Variants in USP35 observed in about 807,000 individuals in gnomAD.
The protein encoded by USP35 is ubiquitin specific peptidase 35.
Under a neutral mutation model 83.8 loss-of-function variants are expected in USP35, and 69 were observed. The ratio of observed to expected loss-of-function variants is 0.82; its 90% CI spans 0.68 to 1.01. The LOEUF is 1.01. USP35 is among the 50% of genes least tolerant of loss of function. USP35 has a pLI of 0.00. For synonymous variants in USP35, 714 were observed against 589.5 expected (o/e 1.21, Z -3.06); for missense variants, 1,503 against 1,362.5 (o/e 1.10, Z -1.62).
chr11:78,227,273 T>G, the USP35 span, among the ~76,000 whole-genome samples: 2 of 152,218 alleles, frequency 1.3e-5, no homozygotes, highest in African/African-American at 2.4e-5. Flanking sequence ...GCAGGGGTTA[T>G]AACCCCCACT....
Position 78,210,260 on chromosome 11 carries a change from G to C in USP35, c.2405G>C (p.Cys802Ser). 1 of 1,614,080 alleles carries C rather than the reference G, an allele frequency of 6.2e-7. No homozygotes were observed. Among genetic ancestry groups the C allele is most frequent in the Non-Finnish European group, 8.5e-7 (1 of 1,180,028 alleles). The change falls in exon 10 of 11, where the codon TGC (cysteine) becomes TCC (serine). Residue 802 changes from cysteine to serine, a missense_variant. Physicochemically the swap from Cys to Ser is moderately radical, Grantham distance 112 (BLOSUM62 -1). Transcript: ENST00000529308. ...GTGGTGGAGCTGAGCCAAGGGCCGT[G>C]CTACCTCATCCTCACACTGCTGCGC... is the stretch of plus-strand genomic sequence containing the variant. ...EKVVELSQGP[C>S]YLILTLLRFS... is the part of the protein sequence containing the mutation.
Position 78,208,760 on chromosome 11 carries a change from C to T in USP35, c.1486-97C>T, listed in dbSNP as rs1044768144. The stretch of plus-strand genomic sequence containing the variant: ...TGGAGGAGGCCAGGAAGTTTGAGGC[C>T]GAGGGAATGAGGTAGACCCTCAGGC... On this transcript the variant is annotated intron_variant, in intron 8 of 10. Coordinates refer to ENST00000529308, the MANE Select transcript of USP35 (RefSeq NM_020798.4). The T allele has an allele frequency of 1.7e-5, 23 of 1,356,754 alleles. 1 individual carries two copies. Among genetic ancestry groups the T allele is most frequent in the African/African-American group, 5.8e-5 (4 of 69,458 alleles). 84.0% of individuals were successfully genotyped at this position (1,356,754 alleles called of 1,614,324 possible). A position where few individuals can be genotyped will look rare whatever the true frequency, so the allele number is the denominator to read the frequency against.
At chr11:78,222,333 C>T in the USP35 span, 23 of 637,302 alleles carry the variant, frequency 3.6e-5, no homozygotes, top group Admixed American at 2.8e-4. Context: ...TGACGCTCAG[C>T]GAGGTTGTAT....
chr11:78,216,329 G>A (rs140676461), downstream of USP35: 1,716 of 152,262 alleles, frequency 0.011, 18 homozygotes, highest in Middle Eastern at 0.02. Flanking sequence ...TCCCCTTTCC[G>A]TAGGCTCAGT....
intron 4 of USP35, 59 bp downstream of exon 4, chr11:78,199,783 G>C (rs11604699): frequency 6.2e-7 from 1 of 1,611,878 alleles, no homozygotes; most frequent in South Asian, 1.1e-5. Context: ...CTTGCCAGGG[G>C]CGGTGCAGGT....
downstream of USP35, chr11:78,215,949 A>ATGGT: frequency 6.5e-6 from 1 of 152,694 alleles, no homozygotes; most frequent in East Asian, 1.9e-4. Context: ...TAACTTCAGA[A>ATGGT]TGGTTGTGCT....
At chr11:78,199,776 G>A (rs1396408365) in intron 4 of USP35, 52 bp downstream of exon 4, 4 of 1,612,742 alleles carry the variant, frequency 2.5e-6, no homozygotes, top group East Asian at 2.2e-5. Context: ...CTAGGCTCTT[G>A]CCAGGGGCGG....
chr11:78,194,380 C>G (rs1250658361), intron 1 of USP35, among the ~76,000 whole-genome samples: 1 of 152,144 alleles, frequency 6.6e-6, no homozygotes, highest in African/African-American at 2.4e-5. Flanking sequence ...ATCTGTGATT[C>G]TGAATAAAAC....
In USP35 at chr11:78,213,638, G is replaced by A. The variant is rs368526196; in HGVS notation, c.2890-8G>A. On this transcript the variant is annotated splice_polypyrimidine_tract_variant and splice_region_variant and intron_variant, in intron 10 of 10. Coordinates refer to ENST00000529308, the MANE Select transcript of USP35 (RefSeq NM_020798.4). ...TAAGTCTAAGTCTCCTCTCATCTGT[G>A]TTCCCAGGAGCAGGAGAAGGAGGCC... The A allele has an allele frequency of 2.7e-6, 4 of 1,478,948 alleles. No individual in the cohort carries two copies. The highest frequency in any genetic ancestry group is 2.9e-5 in the African/African-American group (2 of 67,854). The allele number at this position is 1,478,948 out of a possible 1,614,324, so 91.6% of individuals were successfully genotyped here.
chr11:78,216,854 G>A (rs1218675172), downstream of USP35: 1 of 152,200 alleles, frequency 6.6e-6, no homozygotes, highest in Non-Finnish European at 1.5e-5. Context: ...CACATTCAGG[G>A]CTGGGCAGAG....
the USP35 span, among the ~76,000 whole-genome samples, chr11:78,229,598 T>C: frequency 6.6e-6 from 1 of 152,224 alleles, no homozygotes; most frequent in Middle Eastern, 3.2e-3. Flanking sequence ...GCCCAGGGCC[T>C]CTCTGATCCT....
the USP35 span, among the ~76,000 whole-genome samples, chr11:78,231,336 GGTGTGTGTGTGT>G: frequency 3.4e-5 from 5 of 145,898 alleles, no homozygotes; most frequent in East Asian, 2.0e-4. Flanking sequence ...GCGCGTGTGT[GGTGTGTGTGTGT>G]GTGTGTGTGT....
intron 10 of USP35, 97 bp from the exon 11 acceptor site, chr11:78,213,549 C>G: frequency 7.4e-7 from 1 of 1,351,482 alleles, no homozygotes. Context: ...GCCCTGGGGA[C>G]CTAGAGGAAA....
At chr11:78,223,911 T>C in the USP35 span, among the ~76,000 whole-genome samples, 1 of 151,972 alleles carries the variant, frequency 6.6e-6, no homozygotes, top group African/African-American at 2.4e-5. Flanking sequence ...CAAAACCTCC[T>C]CTCTACTAAA....
chr11:78,213,620 A>C, intron 10 of USP35, 26 bp from the exon 11 acceptor site: 1 of 1,401,882 alleles, frequency 7.1e-7, no homozygotes, highest in African/African-American at 1.5e-5. Context: ...TTCTAAGTCT[A>C]AGTCTCCTCT....
intron 8 of USP35, among the ~76,000 whole-genome samples, chr11:78,208,521 TG>T (rs887632703): frequency 3.9e-5 from 6 of 152,028 alleles, no homozygotes; most frequent in African/African-American, 1.5e-4. Flanking sequence ...GAAGATGACA[TG>T]GAAGAGGCAG....
the USP35 span, chr11:78,221,895 A>G: frequency 1.3e-5 from 9 of 708,690 alleles, no homozygotes; most frequent in African/African-American, 1.1e-4. Flanking sequence ...AGAGCTGCAC[A>G]CTCCATCAGA....
the USP35 span, chr11:78,221,711 T>A: frequency 6.2e-7 from 1 of 1,613,400 alleles, no homozygotes. Flanking sequence ...GTCTCCTGAG[T>A]CTGTGCTGGT....
chr11:78,227,868 A>G, the USP35 span, among the ~76,000 whole-genome samples: 1 of 152,282 alleles, frequency 6.6e-6, no homozygotes, highest in African/African-American at 2.4e-5. Flanking sequence ...TTTATTTTCT[A>G]CCATGATTTA....
Sources: allele counts gnomAD v4.1 joint callset (sites outside exome capture counted in the v4.1 genomes callset), GRCh38; gene constraint gnomAD v4.1.1; transcripts MANE v1.5; gene names NCBI Gene and HGNC (gene_info 2026-07-23, HGNC 2026-07-21).